ANK3: variants seen among roughly 807,000 people sequenced by gnomAD.
ANK3 encodes the protein ankyrin-3.
A neutral mutation model predicts 370.9 loss-of-function variants in ANK3; 57 were observed. The observed-to-expected ratio is 0.15, with a 90% CI of 0.12 to 0.19. ANK3 has a LOEUF of 0.19. ANK3 is among the 10% of genes least tolerant of loss of function. The probability of loss-of-function intolerance (pLI) is 1.00; values close to 1 mark genes in which losing one functional copy is unlikely to be tolerated. For missense variants in ANK3, 4,439 were observed against 5,302.1 expected (o/e 0.84, Z 5.06); for synonymous variants, 1,929 against 1,946.3 (o/e 0.99, Z 0.23).
intron 1 of ANK3, among the ~76,000 whole-genome samples, chr10:60,629,809 T>C (rs1027815497): frequency 6.6e-6 from 1 of 152,140 alleles, no homozygotes; most frequent in African/African-American, 2.4e-5. Context: ...TGTGAGAATA[T>C]GTAATTTATA....
intron 1 of ANK3, chr10:60,300,408 G>C (rs2043436843): frequency 7.8e-7 from 1 of 1,289,288 alleles, no homozygotes; most frequent in African/African-American, 1.5e-5. Flanking sequence ...ACTTTGGACA[G>C]AGCATCACAT....
At chr10:60,700,957 T>C (rs544477927) in intron 1 of ANK3, among the ~76,000 whole-genome samples, 1 of 151,958 alleles carries the variant, frequency 6.6e-6, no homozygotes, top group African/African-American at 2.4e-5. Flanking sequence ...TAAAAATGTA[T>C]ATGGCAAGCA....
At chr10:60,255,543 A>G (rs2097722056) in intron 7 of ANK3, among the ~76,000 whole-genome samples, 1 of 152,130 alleles carries the variant, frequency 6.6e-6, no homozygotes, top group African/African-American at 2.4e-5. Context: ...AAATAAAATT[A>G]TATTTGAGGC....
At chr10:60,248,409 T>C (rs1354650485) in intron 7 of ANK3, among the ~76,000 whole-genome samples, 1 of 152,172 alleles carries the variant, frequency 6.6e-6, no homozygotes, top group Non-Finnish European at 1.5e-5. Context: ...TATATATTTT[T>C]TCAGGCTACA....
At chr10:60,059,316 T>A (rs2131927914) in intron 41 of ANK3, 24 bp downstream of exon 41, 1 of 1,596,486 alleles carries the variant, frequency 6.3e-7, no homozygotes. Context: ...TGTGTTCACT[T>A]TCCTTTTTTT....
chr10:60,261,740 G>T, intron 7 of ANK3, 119 bp downstream of exon 7: 1 of 761,998 alleles, frequency 1.3e-6, no homozygotes, highest in African/African-American at 1.7e-5. Flanking sequence ...AGAAATCATA[G>T]CCTTCACTGA....
chr10:60,547,692 CAGAGACAG>C (rs2076999458), intron 2 of ANK3, among the ~76,000 whole-genome samples: 2 of 150,314 alleles, frequency 1.3e-5, no homozygotes, highest in Admixed American at 1.3e-4. Context: ...GAGACAGAGA[CAGAGACAG>C]AGAGACAGAG....
intron 2 of ANK3, among the ~76,000 whole-genome samples, chr10:60,466,327 G>A (rs985549261): frequency 7.2e-5 from 11 of 152,038 alleles, no homozygotes; most frequent in Admixed American, 4.6e-4. Flanking sequence ...ATAATGACAA[G>A]GAAAAGAAAG....
chr10:60,106,068 A>C lies in ANK3; in HGVS notation c.3174-9T>G. ...TTTCCACTATGACAGGGCTGGAAAA[A>C]AAATCCACATTATTTTGGTATCAAA... On this transcript the variant is annotated splice_polypyrimidine_tract_variant and intron_variant, in intron 27 of 43. Transcript: ENST00000280772. 1 of 1,596,190 alleles carries C rather than the reference A, an allele frequency of 6.3e-7. No homozygotes were observed. Among genetic ancestry groups the C allele is most frequent in the African/African-American group, 1.4e-5 (1 of 73,814 alleles).
At chr10:60,043,307 G>C (rs951239689) in intron 42 of ANK3, 16 of 985,198 alleles carry the variant, frequency 1.6e-5, no homozygotes, top group African/African-American at 1.7e-5. Flanking sequence ...CAAATACTCA[G>C]TTTTTACCCA....
chr10:60,591,482 C>G (rs990725301), intron 2 of ANK3, among the ~76,000 whole-genome samples: 1 of 151,770 alleles, frequency 6.6e-6, no homozygotes, highest in Non-Finnish European at 1.5e-5. Context: ...CTAAAGTTAG[C>G]CAGAATCACA....
At chr10:60,040,955 G>A (rs1276451486) in intron 43 of ANK3, among the ~76,000 whole-genome samples, 2 of 152,210 alleles carry the variant, frequency 1.3e-5, no homozygotes, top group Admixed American at 6.5e-5. Context: ...CTGCTATAGG[G>A]AGAAGTCTTT....
intron 2 of ANK3, among the ~76,000 whole-genome samples, chr10:60,440,949 TG>T (rs2133007601): frequency 6.6e-6 from 1 of 152,314 alleles, no homozygotes; most frequent in Admixed American, 6.5e-5. Flanking sequence ...TTTAAAATAC[TG>T]AGTTTGAGGA....
At chr10:60,038,534 T>A (rs1280144169) in intron 43 of ANK3, among the ~76,000 whole-genome samples, 1 of 152,128 alleles carries the variant, frequency 6.6e-6, no homozygotes, top group Non-Finnish European at 1.5e-5. Flanking sequence ...AAAGAAACTA[T>A]CAACAGAATA....
chr10:60,726,113 C>G (rs1016873340), intron 1 of ANK3, among the ~76,000 whole-genome samples: 1 of 152,118 alleles, frequency 6.6e-6, no homozygotes, highest in African/African-American at 2.4e-5. Context: ...AAGAACAGCT[C>G]CTATTTATTG....
chr10:60,183,255 T>C (rs1048986155), intron 17 of ANK3, among the ~76,000 whole-genome samples: 2 of 152,198 alleles, frequency 1.3e-5, no homozygotes, highest in African/African-American at 4.8e-5. Context: ...ATTTAAACTC[T>C]GTTTTCTTGC....
chr10:60,558,907 C>A (rs999834763), intron 2 of ANK3, among the ~76,000 whole-genome samples: 1 of 152,090 alleles, frequency 6.6e-6, no homozygotes, highest in Non-Finnish European at 1.5e-5. Flanking sequence ...CTTTTACCAT[C>A]ATGGAACAAA....
intron 42 of ANK3, chr10:60,053,751 G>A (rs1255294774): frequency 7.7e-7 from 1 of 1,303,436 alleles, no homozygotes; most frequent in Non-Finnish European, 1.0e-6. Context: ...GGATAAAAAG[G>A]GGGCTGTTTT....
chr10:60,488,643 C>T (rs58434027), intron 2 of ANK3, among the ~76,000 whole-genome samples: 1 of 152,334 alleles, frequency 6.6e-6, no homozygotes, highest in South Asian at 2.1e-4. Context: ...CTGGGCATAT[C>T]ATATGAATGG....
Sources: allele counts gnomAD v4.1 joint callset (sites outside exome capture counted in the v4.1 genomes callset), GRCh38; gene constraint gnomAD v4.1.1; transcripts MANE v1.5; gene names NCBI Gene and HGNC (gene_info 2026-07-23, HGNC 2026-07-21).